FRAS1: variants seen among roughly 807,000 people sequenced by gnomAD.
FRAS1 encodes extracellular matrix organizing protein FRAS1.
A neutral mutation model predicts 435.2 loss-of-function variants in FRAS1; 290 were observed. The ratio of observed to expected loss-of-function variants is 0.67; its 90% confidence interval spans 0.61 to 0.73. FRAS1 has a LOEUF of 0.73. Among genes scored for constraint, FRAS1 ranks in the 30% least tolerant of loss-of-function variants. The pLI is 0.00. For missense variants in FRAS1, 4,860 were observed against 5,001.5 expected, an observed-to-expected ratio of 0.97 and a Z score of 0.85; for synonymous variants, 1,800 against 1,851.0, an observed-to-expected ratio of 0.97 and a Z score of 0.71.
intron 18 of FRAS1, chr4:78,319,645 C>T (rs1280491277): frequency 6.9e-6 from 2 of 289,868 alleles, no homozygotes; most frequent in Admixed American, 8.3e-5. Flanking sequence ...TTTTATAATA[C>T]ACCCACTACC....
At chr4:78,368,964 GCTGTA>G (rs1455324805) in intron 22 of FRAS1, among the ~76,000 whole-genome samples, 2 of 152,186 alleles carry the variant, frequency 1.3e-5, no homozygotes, top group Non-Finnish European at 2.9e-5. Context: ...TGAAACCTGA[GCTGTA>G]TGAATTTTAA....
intron 36 of FRAS1, 36 bp from the exon 37 acceptor site, chr4:78,430,256 T>G (rs1490321721): frequency 1.9e-6 from 3 of 1,613,052 alleles, no homozygotes; most frequent in African/African-American, 2.7e-5. Context: ...TAACATACGC[T>G]TTCTCTCTCA....
At chr4:78,105,914 G>A (rs1331283146) in intron 2 of FRAS1, among the ~76,000 whole-genome samples, 1 of 136,292 alleles carries the variant, frequency 7.3e-6, no homozygotes, top group Non-Finnish European at 1.6e-5. Context: ...GCCGAAGCAG[G>A]GCAAGGCATT....
At chr4:78,414,387 A>G (rs1733469027) in intron 32 of FRAS1, among the ~76,000 whole-genome samples, 1 of 152,234 alleles carries the variant, frequency 6.6e-6, no homozygotes, top group Non-Finnish European at 1.5e-5. Flanking sequence ...AGACTTTTCA[A>G]GTCACTTAGC....
At chr4:78,429,032 G>A (rs922652274) in intron 35 of FRAS1, 63 bp from the exon 36 acceptor site, 14 of 1,482,780 alleles carry the variant, frequency 9.4e-6, no homozygotes, top group South Asian at 1.2e-5. Flanking sequence ...ATTCGTGTGT[G>A]TGTGTGCGTG....
At chr4:78,396,631 A>T (rs906125839) in intron 29 of FRAS1, among the ~76,000 whole-genome samples, 1 of 152,156 alleles carries the variant, frequency 6.6e-6, no homozygotes, top group Non-Finnish European at 1.5e-5. Context: ...TCTCTGCTTC[A>T]TTTGGAATTT....
At chr4:78,339,527 G>T (rs910897607) in intron 20 of FRAS1, among the ~76,000 whole-genome samples, 6 of 152,206 alleles carry the variant, frequency 3.9e-5, no homozygotes, top group Non-Finnish European at 1.5e-5. Context: ...TATGCGGGGG[G>T]GTGGAACCCA....
Position 78,057,652 on chromosome 4 carries a change from G to C in FRAS1, c.-358G>C, listed in dbSNP as rs1739531385. Reference sequence around the variant, plus strand: ...GGGATCGGAAGGGTCTAGCCCGAGGGAAATGCTGGAAGATCCCATCGGCCA... The same window carrying C: ...GGGATCGGAAGGGTCTAGCCCGAGGCAAATGCTGGAAGATCCCATCGGCCA... On this transcript the variant is annotated 5_prime_UTR_variant, in exon 1 of 74. Transcript: ENST00000512123. The surrounding 1 kb of genome is among the most constrained non-coding windows in gnomAD (Gnocchi z 4.2). The C allele has an allele frequency of 6.0e-6, 2 of 330,664 alleles. No homozygotes were observed. Among genetic ancestry groups the C allele is most frequent in the Non-Finnish European group, 1.1e-5 (2 of 178,674 alleles). 20.5% of individuals were successfully genotyped at this position (330,664 alleles called of 1,614,324 possible). A position where few individuals can be genotyped will look rare whatever the true frequency, so the allele number is the denominator to read the frequency against.
At chr4:78,190,613 C>CCCCTT (rs1722491435) in intron 2 of FRAS1, among the ~76,000 whole-genome samples, 1 of 150,808 alleles carries the variant, frequency 6.6e-6, no homozygotes, top group Non-Finnish European at 1.5e-5. Flanking sequence ...CCCCACCACA[C>CCCCTT]CCCTTCCCTT....
At chr4:78,125,865 G>T (rs796942705) in intron 2 of FRAS1, among the ~76,000 whole-genome samples, 1 of 152,234 alleles carries the variant, frequency 6.6e-6, no homozygotes, top group South Asian at 2.1e-4. Flanking sequence ...CAATCTGCCC[G>T]TTATTGGAGC....
rs372504678 is a variant in FRAS1, at chr4:78,154,911, TCTC to T, written c.109-82596_109-82594del. Among the ~76,000 whole-genome samples the T allele has an allele frequency of 2.0e-4, 31 of 152,264 alleles. 2 individuals carry two copies. Among genetic ancestry groups the T allele is most frequent in the African/African-American group, 7.0e-4 (29 of 41,554 alleles). On this transcript the variant is annotated intron_variant, in intron 2 of 73. Coordinates refer to ENST00000512123, the MANE Select transcript of FRAS1 (RefSeq NM_025074.7). ...TCTCTGGACCTTCTCCACTCTGTGG[TCTC>T]CTGCACTTCCTTCTACCATTTTCCT... is the stretch of plus-strand genomic sequence containing the variant.
intron 2 of FRAS1, among the ~76,000 whole-genome samples, chr4:78,117,186 T>G (rs1239396474): frequency 2.0e-5 from 3 of 152,228 alleles, no homozygotes; most frequent in Non-Finnish European, 4.4e-5. Context: ...TTGTAGAGTT[T>G]CTGCCAAGAG....
chr4:78,356,986 A>T (rs796774194), intron 20 of FRAS1, among the ~76,000 whole-genome samples: 24 of 152,242 alleles, frequency 1.6e-4, no homozygotes, highest in African/African-American at 5.8e-4. Flanking sequence ...TGGCCTACCC[A>T]GGTACCGAGA....
rs114021614 is a variant in FRAS1, at chr4:78,323,929, G to T, written c.2137+4943G>T. On this transcript the variant is annotated intron_variant, in intron 18 of 73. Transcript: ENST00000512123. ...ACAGAATTTCTCATAGGACTCTCCT[G>T]GGAATCTTGTTAAAGATTCAGTCGG... Among the ~76,000 whole-genome samples, 607 of 152,056 alleles carry T rather than the reference G, an allele frequency of 4.0e-3. 2 individuals are homozygous for T. The highest frequency in any genetic ancestry group is 0.014 in the African/African-American group (586 of 41,458).
At chr4:78,326,017 C>G (rs145159501) in intron 18 of FRAS1, among the ~76,000 whole-genome samples, 1 of 152,212 alleles carries the variant, frequency 6.6e-6, no homozygotes, top group African/African-American at 2.4e-5. Flanking sequence ...GCTGGAGATG[C>G]AGGGTGTGTG....
In FRAS1 at chr4:78,152,880, C is replaced by T. The variant is rs571346532; in HGVS notation, c.109-84630C>T. ...ATTGATAAGCATTTCCCTGGAAAAT[C>T]GGTCTCATTACCTGCAGTCATGTTC... On this transcript the variant is annotated intron_variant, in intron 2 of 73. Coordinates refer to ENST00000512123, the MANE Select transcript of FRAS1 (RefSeq NM_025074.7). 1.1e-4 allele frequency among the ~76,000 whole-genome samples: 16 copies of T among 152,192 alleles called. 1 individual carries two copies. Among genetic ancestry groups the T allele is most frequent in the African/African-American group, 3.1e-4 (13 of 41,548 alleles).
At chr4:78,259,682 C>G (rs1004889264) in intron 6 of FRAS1, among the ~76,000 whole-genome samples, 5 of 147,266 alleles carry the variant, frequency 3.4e-5, no homozygotes, top group African/African-American at 9.9e-5. Flanking sequence ...ATGGTAGTTT[C>G]TTTTGCTGTG....
At chr4:78,515,421 A>G (rs978355952) in intron 65 of FRAS1, among the ~76,000 whole-genome samples, 3 of 151,460 alleles carry the variant, frequency 2.0e-5, no homozygotes, top group African/African-American at 7.3e-5. Flanking sequence ...CAGTAAATCC[A>G]TTTCTTCAGC....
At chr4:78,115,298 G>T (rs935763169) in intron 2 of FRAS1, among the ~76,000 whole-genome samples, 6 of 151,930 alleles carry the variant, frequency 3.9e-5, no homozygotes, top group African/African-American at 9.7e-5. Context: ...CTATTTTTTT[G>T]TTGTGTCTCT....
Sources: gnomAD v4.1 joint callset for allele counts (sites outside exome capture counted in the v4.1 genomes callset) on GRCh38, gnomAD v4.1.1 for gene constraint, Gnocchi (gnomAD v3.1) non-coding constraint, MANE v1.5 for transcripts, NCBI Gene and HGNC (gene_info 2026-07-23, HGNC 2026-07-21) for gene names.